Variants in MAML2 observed in about 807,000 individuals in gnomAD.
The protein encoded by MAML2 is mastermind-like protein 2.
In MAML2, 22 loss-of-function variants were observed where a neutral mutation model predicts 96.1. That is an observed-to-expected ratio of 0.23 (90% confidence interval 0.16 to 0.33). MAML2 has a LOEUF of 0.33. Among genes scored for constraint, MAML2 ranks in the 10% least tolerant of loss-of-function variants. The pLI is 1.00. For synonymous variants in MAML2, 561 were observed against 521.3 expected (o/e 1.08, Z -1.04); for missense variants, 1,367 against 1,392.4 (o/e 0.98, Z 0.29).
At chr11:96,146,381 GA>G (rs1860820453) in intron 1 of MAML2, among the ~76,000 whole-genome samples, 1 of 152,158 alleles carries the variant, frequency 6.6e-6, no homozygotes, top group South Asian at 2.1e-4. Context: ...GCTCATAGTT[GA>G]AATGATTTTT....
chr11:96,286,542 C>A (rs1248615854), intron 1 of MAML2, among the ~76,000 whole-genome samples: 2 of 151,270 alleles, frequency 1.3e-5, no homozygotes, highest in Admixed American at 1.3e-4. Context: ...AGTTCTTAAA[C>A]TGTTAGTATT....
At chr11:96,110,236 A>G (rs946205001) in intron 1 of MAML2, among the ~76,000 whole-genome samples, 1 of 152,182 alleles carries the variant, frequency 6.6e-6, no homozygotes, top group Non-Finnish European at 1.5e-5. Context: ...TAAAAGCTCT[A>G]CTGGAGGAAG....
chr11:96,049,764 TAAATGGAG>T (rs1298224776), intron 2 of MAML2, among the ~76,000 whole-genome samples: 16 of 152,240 alleles, frequency 1.1e-4, no homozygotes, highest in African/African-American at 3.4e-4. Flanking sequence ...GGCAGAAGAA[TAAATGGAG>T]TACTTAATCC....
chr11:96,053,989 T>C (rs1859025952), intron 2 of MAML2, among the ~76,000 whole-genome samples: 1 of 152,144 alleles, frequency 6.6e-6, no homozygotes, highest in African/African-American at 2.4e-5. Context: ...GTAAGAAATA[T>C]ATGGAGTTTG....
chr11:96,240,806 T>C (rs537523027), intron 1 of MAML2, among the ~76,000 whole-genome samples: 1 of 152,236 alleles, frequency 6.6e-6, no homozygotes, highest in Admixed American at 6.5e-5. Flanking sequence ...AAAAGTCTCA[T>C]TGAAGTACGG....
At chr11:96,087,283 T>C (rs1327429141) in intron 2 of MAML2, among the ~76,000 whole-genome samples, 2 of 152,254 alleles carry the variant, frequency 1.3e-5, no homozygotes, top group East Asian at 1.9e-4. Flanking sequence ...TATATCAACA[T>C]ATGTATCTGG....
intron 1 of MAML2, among the ~76,000 whole-genome samples, chr11:96,206,920 A>C (rs1861903882): frequency 6.6e-6 from 1 of 152,118 alleles, no homozygotes; most frequent in Non-Finnish European, 1.5e-5. Context: ...TTGGTAAATA[A>C]AAAACAAAAG....
At chr11:96,278,031 T>C (rs1208216193) in intron 1 of MAML2, among the ~76,000 whole-genome samples, 1 of 151,828 alleles carries the variant, frequency 6.6e-6, no homozygotes, top group Non-Finnish European at 1.5e-5. Flanking sequence ...CAGTCTCCAA[T>C]TCTGTGGATC....
At chr11:96,098,126 G>A (rs994387148) in intron 1 of MAML2, among the ~76,000 whole-genome samples, 3 of 152,166 alleles carry the variant, frequency 2.0e-5, no homozygotes, top group Non-Finnish European at 4.4e-5. Flanking sequence ...AAAGGCATTC[G>A]GGACACAGGG....
intron 1 of MAML2, among the ~76,000 whole-genome samples, chr11:96,208,163 T>C (rs1389153721): frequency 2.6e-5 from 4 of 152,222 alleles, no homozygotes; most frequent in Non-Finnish European, 4.4e-5. Context: ...AAGTACTATG[T>C]CCCCTCCCAA....
chr11:96,216,149 C>T (rs1348970362), intron 1 of MAML2, among the ~76,000 whole-genome samples: 1 of 152,136 alleles, frequency 6.6e-6, no homozygotes, highest in African/African-American at 2.4e-5. Context: ...CTCTTTTAGG[C>T]ATGCTTAAAC....
rs1169034197 is a variant in MAML2, at chr11:96,226,734, T to C, written c.513+114649A>G. Among the ~76,000 whole-genome samples the C allele has an allele frequency of 2.6e-5, 4 of 152,212 alleles. No individual in the cohort carries two copies. The East Asian group carries it at 7.7e-4, about 29-fold the overall frequency. On this transcript the variant is annotated intron_variant, in intron 1 of 4. Coordinates refer to ENST00000524717, the MANE Select transcript of MAML2 (RefSeq NM_032427.4). Reference sequence around the variant, plus strand: ...ATATCAGCTAAAAGCAACTAAATTCTATTAGTCTCTGAATTGACATTTATT... The same window carrying C: ...ATATCAGCTAAAAGCAACTAAATTCCATTAGTCTCTGAATTGACATTTATT...
At chr11:96,160,501 C>G (rs1028476556) in intron 1 of MAML2, among the ~76,000 whole-genome samples, 1 of 151,684 alleles carries the variant, frequency 6.6e-6, no homozygotes, top group Non-Finnish European at 1.5e-5. Context: ...GATCTCGGCT[C>G]CCTGTAACCT....
At chr11:96,187,840 A>G (rs1861596078) in intron 1 of MAML2, among the ~76,000 whole-genome samples, 1 of 151,566 alleles carries the variant, frequency 6.6e-6, no homozygotes, top group African/African-American at 2.4e-5. Context: ...AGGAATGTCC[A>G]CCTATTACTG....
At chr11:96,280,974 ACT>A (rs1863056055) in intron 1 of MAML2, among the ~76,000 whole-genome samples, 1 of 152,158 alleles carries the variant, frequency 6.6e-6, no homozygotes, top group African/African-American at 2.4e-5. Flanking sequence ...TATCAGTTTA[ACT>A]CTCAGATGAA....
chr11:95,999,466 C>T (rs1307170013), intron 2 of MAML2, among the ~76,000 whole-genome samples: 6 of 147,460 alleles, frequency 4.1e-5, no homozygotes, highest in South Asian at 2.1e-4. Flanking sequence ...TAGTAAGACT[C>T]GTTGGATTCA....
At chr11:96,314,261 C>T (rs1184649789) in intron 1 of MAML2, among the ~76,000 whole-genome samples, 1 of 152,202 alleles carries the variant, frequency 6.6e-6, no homozygotes, top group Admixed American at 6.5e-5. Flanking sequence ...TTGGCCTGTG[C>T]CCCCTGAGCT....
chr11:96,219,754 C>T (rs1862104448), intron 1 of MAML2, among the ~76,000 whole-genome samples: 1 of 152,062 alleles, frequency 6.6e-6, no homozygotes, highest in South Asian at 2.1e-4. Flanking sequence ...GCCTCCTGAG[C>T]ATTTGGGATT....
intron 4 of MAML2, among the ~76,000 whole-genome samples, chr11:95,985,306 G>A (rs935524321): frequency 1.3e-5 from 2 of 152,218 alleles, no homozygotes; most frequent in African/African-American, 4.8e-5. Context: ...ATTCTCAGAG[G>A]TAGTCCAGAG....
Sources: gnomAD v4.1 joint callset for allele counts (sites outside exome capture counted in the v4.1 genomes callset) on GRCh38, gnomAD v4.1.1 for gene constraint, MANE v1.5 for transcripts, NCBI Gene and HGNC (gene_info 2026-07-23, HGNC 2026-07-21) for gene names.